The following FGFR4 variants were observed in gnomAD, a reference collection of about 807,000 sequenced individuals.
FGFR4 encodes fibroblast growth factor receptor 4.
A neutral mutation model predicts 89.9 loss-of-function variants in FGFR4; 63 were observed. The observed-to-expected ratio is 0.70, with a 90% confidence interval of 0.57 to 0.86. The LOEUF is 0.86. FGFR4 is among the 40% of genes least tolerant of loss of function. The pLI, the probability that FGFR4 is intolerant of heterozygous loss-of-function variation, is 0.00. For missense variants in FGFR4, 928 were observed against 1,106.7 expected (o/e 0.84, Z 2.29); for synonymous variants, 486 against 479.4 (o/e 1.01, Z -0.18).
At chr5:177,091,372 C>T (rs958985885) in intron 5 of FGFR4, among the ~76,000 whole-genome samples, 2 of 152,158 alleles carry the variant, frequency 1.3e-5, no homozygotes, top group African/African-American at 4.8e-5. Context: ...AGCATCTCAT[C>T]GTCTTGATGA....
At position 177,097,291 on chromosome 5, in the gene FGFR4, G is replaced by T; in HGVS notation, c.2154-1G>T. The T allele has an allele frequency of 6.3e-7, 1 of 1,598,902 alleles. No individual in the cohort carries two copies. The highest frequency in any genetic ancestry group is 2.3e-5 in the East Asian group (1 of 44,088). The stretch of plus-strand genomic sequence containing the variant: ...GTGACCCTCCGCCCCACCTCTCGCA[G>T]GTACGGGCTGATGCGTGAGTGCTGG... On this transcript the variant is annotated splice_acceptor_variant, in intron 16 of 17. Coordinates refer to ENST00000292408, the MANE Select transcript of FGFR4 (RefSeq NM_213647.3). LOFTEE classifies it high-confidence loss of function.
At position 177,093,282 on chromosome 5, in the gene FGFR4, G is replaced by A. The variant is rs760787865; in HGVS notation, c.1202G>A (p.Arg401His). 2.9e-5 allele frequency: 20 copies of A among 690,998 alleles called. No homozygotes were observed. Among genetic ancestry groups the A allele is most frequent in the South Asian group, 1.2e-4 (9 of 74,004 alleles). The allele number at this position is 690,998 out of a possible 1,614,324, so 42.8% of individuals were successfully genotyped here. ...CAGGCGCTCCACGGCCGGCACCCCC[G>A]CCCGCCCGCCACTGTGCAGAAGCTC... ...RGQALHGRHP[R>H]PPATVQKLSR... The change falls in exon 9 of 18, where the codon CGC becomes CAC. Residue 401 changes from arginine to histidine, a missense_variant. This residue lies in a region of FGFR4 where 741 missense variants were observed against 836.9 expected (regional missense o/e 0.89). Coordinates refer to ENST00000292408, the MANE Select transcript of FGFR4 (RefSeq NM_213647.3). The surrounding 1 kb of genome is among the most constrained non-coding windows in gnomAD (Gnocchi z 5.8).
At position 177,097,375 on chromosome 5, in the gene FGFR4, T is replaced by A. The variant is rs1784643250; in HGVS notation, c.2237T>A (p.Val746Asp). The A allele has an allele frequency of 1.2e-6, 2 of 1,611,848 alleles. No individual in the cohort carries two copies. Among genetic ancestry groups the A allele is most frequent in the Non-Finnish European group, 8.5e-7 (1 of 1,179,268 alleles). The change falls in exon 17 of 18, where the codon GTC becomes GAC. Residue 746 changes from valine to aspartate, a missense_variant. By Grantham distance (152) the Val-to-Asp change is radical. This residue lies in a region of FGFR4 where 129 missense variants were observed against 150.8 expected (regional missense o/e 0.86). Coordinates refer to ENST00000292408, the MANE Select transcript of FGFR4 (RefSeq NM_213647.3). ...CAGCTGGTGGAGGCGCTGGACAAGGTCCTGCTGGCCGTCTCTGAGGAGGTA... is the reference window on the plus strand; with the variant it reads ...CAGCTGGTGGAGGCGCTGGACAAGGACCTGCTGGCCGTCTCTGAGGAGGTA... ...FKQLVEALDK[V>D]LLAVSEEYLD...
rs765722108 is a variant in FGFR4, at chr5:177,092,330, C to T, written c.737C>T (p.Pro246Leu). The T allele has an allele frequency of 8.8e-6, 14 of 1,582,066 alleles. No homozygotes were observed. The highest frequency in any genetic ancestry group is 1.8e-4 in the Middle Eastern group (1 of 5,678). ...CTCGCCCGGTCCCCAGAGCGGTCCCCGCACCGGCCCATCCTGCAGGCCGGG... is the reference window on the plus strand; with the variant it reads ...CTCGCCCGGTCCCCAGAGCGGTCCCTGCACCGGCCCATCCTGCAGGCCGGG... ...NYLLDVLERS[P>L]HRPILQAGLP... Residue 246 changes from proline to leucine, a missense_variant, in exon 7 of 18, where the codon CCG becomes CTG. By Grantham distance (98) the Pro-to-Leu change is moderately conservative. Transcript: ENST00000292408.
In FGFR4 at chr5:177,095,557, G is replaced by A. The variant is rs560997896; in HGVS notation, c.1655G>A (p.Cys552Tyr). 1.9e-6 allele frequency: 3 copies of A among 1,610,190 alleles called. No individual in the cohort carries two copies. Among genetic ancestry groups the A allele is most frequent in the South Asian group, 1.1e-5 (1 of 90,718 alleles). Residue 552 changes from cysteine to tyrosine, a missense_variant, in exon 13 of 18, where the codon TGC becomes TAC. Around this residue, in one of 5 missense-constraint regions of FGFR4, gnomAD observed 741 missense variants for 836.9 expected, o/e 0.89. Transcript: ENST00000292408. The surrounding 1 kb of genome is among the most constrained non-coding windows in gnomAD (Gnocchi z 5.7). ...GGGCCCCTGTACGTGATCGTGGAGT[G>A]CGCCGCCAAGGGAAACCTGCGGGAG... ...QEGPLYVIVE[C>Y]AAKGNLREFL...
chr5:177,093,620 C>T lies in FGFR4; in HGVS notation c.1398-34C>T, dbSNP rs764594391. On this transcript the variant is annotated intron_variant, in intron 10 of 17. Coordinates refer to ENST00000292408, the MANE Select transcript of FGFR4 (RefSeq NM_213647.3). This position sits in a 1 kb window ranked among gnomAD's most constrained non-coding sequence, Gnocchi z 5.8. ...CAGCCCGCCCTCCGCAGGAGTGACT[C>T]GGAGGTCTGAGGCTGGACTTTCTCC... 11 of 1,613,824 alleles carry T rather than the reference C, an allele frequency of 6.8e-6. No homozygotes were observed. The South Asian group carries it at 7.7e-5, about 11-fold the overall frequency.
Position 177,091,020 on chromosome 5 carries a change from A to C in FGFR4, c.519A>C (p.Pro173=), listed in dbSNP as rs772050296. Residue 173 remains proline (P), a synonymous_variant, in exon 5 of 18, where the codon CCA becomes CCC. Transcript: ENST00000292408. ...GGAACACCGTCAAGTTCCGCTGTCC[A>C]GCTGCAGGCAACCCCACGCCCACCA... is the stretch of plus-strand genomic sequence containing the variant. ...PAGNTVKFRC[P]AAGNPTPTIR... 1.9e-6 allele frequency: 3 copies of C among 1,613,284 alleles called. No homozygotes were observed. The highest frequency in any genetic ancestry group is 2.5e-6 in the Non-Finnish European group (3 of 1,179,260).
In FGFR4 at chr5:177,092,735, C is replaced by T. The variant is rs754804541; in HGVS notation, c.1008C>T (p.Gly336=). Residue 336 remains glycine, a synonymous_variant, in exon 8 of 18, where the codon GGC becomes GGT. Coordinates refer to ENST00000292408, the MANE Select transcript of FGFR4 (RefSeq NM_213647.3). ...CAGGCGAGTACACCTGCCTCGCAGG[C>T]AATTCCATCGGCCTCTCCTACCAGT... ...EDAGEYTCLA[G]NSIGLSYQSA... 1 of 1,614,248 alleles carries T rather than the reference C, an allele frequency of 6.2e-7. No homozygotes were observed. Among genetic ancestry groups the T allele is most frequent in the Non-Finnish European group, 8.5e-7 (1 of 1,180,046 alleles).
chr5:177,093,883 A>G lies in FGFR4; in HGVS notation c.1519+108A>G. On this transcript the variant is annotated intron_variant, in intron 11 of 17. Transcript: ENST00000292408. This position sits in a 1 kb window ranked among gnomAD's most constrained non-coding sequence, Gnocchi z 5.8. ...GGAATTCGAGGCCAGCCTGGGCAAC[A>G]TGGCAAGACTTCATCTCTACAAAAA... The G allele has an allele frequency of 2.4e-6, 3 of 1,270,988 alleles. No individual in the cohort carries two copies. The highest frequency in any genetic ancestry group is 1.5e-5 in the African/African-American group (1 of 66,836). 78.7% of individuals were successfully genotyped at this position (1,270,988 alleles called of 1,614,324 possible). A position where few individuals can be genotyped will look rare whatever the true frequency, so the allele number is the denominator to read the frequency against.
intron 3 of FGFR4, 27 bp downstream of exon 3, chr5:177,090,680 G>A (rs762129323): frequency 6.5e-6 from 10 of 1,535,244 alleles, no homozygotes; most frequent in Non-Finnish European, 8.8e-6. Context: ...GGGAGTGAAG[G>A]GATGCCTGGG....
chr5:177,088,913 C>T (rs1480454679), intron 1 of FGFR4, among the ~76,000 whole-genome samples: 1 of 152,206 alleles, frequency 6.6e-6, no homozygotes, highest in Non-Finnish European at 1.5e-5. Flanking sequence ...TGGTGAGAGT[C>T]AGGATTTGAA....
chr5:177,097,276 G>A lies in FGFR4; in HGVS notation c.2154-16G>A, dbSNP rs765833326. 19 of 1,572,950 alleles carry A rather than the reference G, an allele frequency of 1.2e-5. No individual in the cohort carries two copies. Among genetic ancestry groups the A allele is most frequent in the African/African-American group, 1.1e-4 (8 of 73,400 alleles). On this transcript the variant is annotated splice_polypyrimidine_tract_variant and intron_variant, in intron 16 of 17. Transcript: ENST00000292408. ...GGCCTGAGGCTCCCTGTGACCCTCC[G>A]CCCCACCTCTCGCAGGTACGGGCTG...
chr5:177,090,727 C>T lies in FGFR4; in HGVS notation c.356-18C>T. The T allele has an allele frequency of 1.3e-6, 2 of 1,584,152 alleles. No homozygotes were observed. The highest frequency in any genetic ancestry group is 1.7e-6 in the Non-Finnish European group (2 of 1,162,722). ...GCCCCTCTTGGACCTTAGATGCTTC[C>T]CTCTGTCCCTGATGTAGACTCCTTG... On this transcript the variant is annotated intron_variant, in intron 3 of 17. Coordinates refer to ENST00000292408, the MANE Select transcript of FGFR4 (RefSeq NM_213647.3).
Position 177,095,694 on chromosome 5 carries a change from C to T in FGFR4, c.1792C>T (p.Arg598Ter), listed in dbSNP as rs767126447. 7 of 1,608,554 alleles carry T rather than the reference C, an allele frequency of 4.4e-6. No individual in the cohort carries two copies. The highest frequency in any genetic ancestry group is 2.2e-5 in the South Asian group (2 of 90,068). Reference sequence around the variant, plus strand: ...GGTCTCCTGCGCCTACCAGGTGGCCCGAGGCATGCAGTATCTGGAGTCCCG... The same window carrying T: ...GGTCTCCTGCGCCTACCAGGTGGCCTGAGGCATGCAGTATCTGGAGTCCCG... Reference protein sequence around the residue: ...VLVSCAYQVARGMQYLESRKC... With the variant: ...VLVSCAYQVA The change falls in exon 13 of 18, where the codon CGA (arginine) becomes TGA (stop). Residue 598 changes from arginine to a stop codon, truncating the protein, a stop_gained. Coordinates refer to ENST00000292408, the MANE Select transcript of FGFR4 (RefSeq NM_213647.3). LOFTEE classifies it high-confidence loss of function. This position sits in a 1 kb window ranked among gnomAD's most constrained non-coding sequence, Gnocchi z 5.7.
intron 1 of FGFR4, 120 bp from the exon 2 acceptor site, chr5:177,089,430 C>A: frequency 8.5e-7 from 1 of 1,169,998 alleles, no homozygotes; most frequent in Non-Finnish European, 1.2e-6. Context: ...CACAGCCTGG[C>A]CAGGGACTTG....
Position 177,097,897 on chromosome 5 carries a change from T to G in FGFR4, c.*221T>G. On this transcript the variant is annotated 3_prime_UTR_variant, in exon 18 of 18. Transcript: ENST00000292408. ...CGGCTTCTTGGACCTTGGCGCTTAG[T>G]CCCCATCCCGGGTTTGGCTGAGCCT... The G allele has an allele frequency of 2.1e-6, 1 of 470,366 alleles. No homozygotes were observed. Among genetic ancestry groups the G allele is most frequent in the Admixed American group, 3.8e-5 (1 of 26,008 alleles). The allele number at this position is 470,366 out of a possible 1,614,324, so 29.1% of individuals were successfully genotyped here. A position where few individuals can be genotyped will look rare whatever the true frequency, so the allele number is the denominator to read the frequency against.
chr5:177,093,713 C>T lies in FGFR4; in HGVS notation c.1457C>T (p.Ala486Val), dbSNP rs542179243. 21 of 1,614,180 alleles carry T rather than the reference C, an allele frequency of 1.3e-5. No individual in the cohort carries two copies. In the African/African-American group the frequency reaches 2.5e-4, roughly 19 times the overall value. Residue 486 changes from alanine to valine, a missense_variant, in exon 11 of 18, where the codon GCC becomes GTC. Around this residue, in one of 5 missense-constraint regions of FGFR4, gnomAD observed 741 missense variants for 836.9 expected, o/e 0.89. Transcript: ENST00000292408. This position sits in a 1 kb window ranked among gnomAD's most constrained non-coding sequence, Gnocchi z 5.8. ...GCFGQVVRAE[A>V]FGMDPARPDQ... ...TTTGGCCAGGTAGTACGTGCAGAGG[C>T]CTTTGGCATGGACCCTGCCCGGCCT...
At chr5:177,091,616 A>C in intron 5 of FGFR4, 69 bp from the exon 6 acceptor site, 1 of 1,590,436 alleles carries the variant, frequency 6.3e-7, no homozygotes, top group Admixed American at 1.7e-5. Context: ...ATGAGGATCT[A>C]GCCTCCTGGT....
intron 13 of FGFR4, 36 bp from the exon 14 acceptor site, chr5:177,096,021 G>C (rs532379672): frequency 3.7e-6 from 6 of 1,601,856 alleles, no homozygotes; most frequent in Non-Finnish European, 5.1e-6. Context: ...CTCCAGGCCA[G>C]GTGTCCTGAG....
Sources: allele counts gnomAD v4.1 joint callset (sites outside exome capture counted in the v4.1 genomes callset), GRCh38; gene constraint gnomAD v4.1.1; regional missense constraint gnomAD v4.1.1; non-coding constraint Gnocchi (gnomAD v3.1); transcripts MANE v1.5; gene names NCBI Gene and HGNC (gene_info 2026-07-23, HGNC 2026-07-21).